The following SLC25A30 variants were observed in gnomAD, a reference collection of about 807,000 sequenced individuals.
The protein encoded by SLC25A30 is solute carrier family 25 member 30.
Under a neutral mutation model 42.7 loss-of-function variants are expected in SLC25A30, and 29 were observed. The observed-to-expected ratio is 0.68, with a 90% CI of 0.51 to 0.93. The LOEUF (loss-of-function observed/expected upper bound fraction) is 0.93, where lower values mean the gene tolerates loss of function less well. Among genes scored for constraint, SLC25A30 ranks in the 40% least tolerant of loss-of-function variants. SLC25A30 has a pLI of 0.00. For synonymous variants in SLC25A30, 124 were observed against 131.0 expected (o/e 0.95, Z 0.37); for missense variants, 300 against 359.7 (o/e 0.83, Z 1.34).
upstream of SLC25A30, among the ~76,000 whole-genome samples, chr13:45,421,040 G>A (rs1463491481): frequency 6.6e-6 from 1 of 151,628 alleles, no homozygotes; most frequent in Non-Finnish European, 1.5e-5. Flanking sequence ...TTTCTCTAGG[G>A]AATAGTAACT....
At position 45,394,461 on chromosome 13, in the gene SLC25A30, C is replaced by T. The variant is rs969133225; in HGVS notation, c.*1513G>A. The T allele has an allele frequency of 7.1e-6, 7 of 985,304 alleles. No individual in the cohort carries two copies. Among genetic ancestry groups the T allele is most frequent in the Non-Finnish European group, 8.4e-6 (7 of 829,962 alleles). The allele number at this position is 985,304 out of a possible 1,614,324, so 61.0% of individuals were successfully genotyped here. ...CCAGACTGGGAATTTGGCCGCACTA[C>T]TGTGGAAGGAGAATGCCCTGGAGCC... On this transcript the variant is annotated 3_prime_UTR_variant, in exon 10 of 10. Transcript: ENST00000519676.
intron 9 of SLC25A30, 147 bp from the exon 10 acceptor site, chr13:45,396,162 C>T: frequency 1.3e-6 from 2 of 1,536,618 alleles, no homozygotes; most frequent in East Asian, 2.4e-5. Flanking sequence ...GGGTTCCACC[C>T]TTAACCACAT....
intron 5 of SLC25A30, among the ~76,000 whole-genome samples, chr13:45,403,088 A>T (rs921270970): frequency 9.2e-5 from 14 of 152,250 alleles, no homozygotes; most frequent in Admixed American, 9.2e-4. Flanking sequence ...GGGAAAATAA[A>T]CCAAGATACA....
Position 45,411,254 on chromosome 13 carries a change from A to C in SLC25A30, c.64+108T>G, listed in dbSNP as rs546370371. The C allele has an allele frequency of 2.6e-3, 2,346 of 918,696 alleles. 4 individuals carry two copies. Among genetic ancestry groups the C allele is most frequent in the Non-Finnish European group, 3.4e-3 (1,916 of 558,844 alleles). 56.9% of individuals were successfully genotyped at this position (918,696 alleles called of 1,614,324 possible). A position where few individuals can be genotyped will look rare whatever the true frequency, so the allele number is the denominator to read the frequency against. On this transcript the variant is annotated intron_variant, in intron 2 of 9. Transcript: ENST00000519676. ...CACACCCAGCTAACAGACATTTTGA[A>C]TTCTGAGACAAACATTTCATCATCT...
chr13:45,423,793 A>AAAATATAT, the SLC25A30 span, among the ~76,000 whole-genome samples: 2 of 70,910 alleles, frequency 2.8e-5, no homozygotes, highest in Non-Finnish European at 4.9e-5. Flanking sequence ...TAAATATATA[A>AAAATATAT]ATATATATTT....
intron 1 of SLC25A30, among the ~76,000 whole-genome samples, chr13:45,412,855 C>A (rs982494359): frequency 1.1e-4 from 17 of 152,190 alleles, no homozygotes; most frequent in African/African-American, 4.1e-4. Context: ...CACCCCTTAA[C>A]AGGAGACTCA....
the SLC25A30 span, among the ~76,000 whole-genome samples, chr13:45,423,894 A>C: frequency 4.3e-5 from 4 of 92,482 alleles, no homozygotes; most frequent in Non-Finnish European, 7.4e-5. Flanking sequence ...TATATATATA[A>C]ATATATATAA....
intron 3 of SLC25A30, among the ~76,000 whole-genome samples, chr13:45,408,511 T>G (rs1465839731): frequency 2.6e-5 from 4 of 152,110 alleles, no homozygotes; most frequent in Non-Finnish European, 5.9e-5. Context: ...CACTATCCAG[T>G]GCCTACAGAA....
At chr13:45,400,014 T>TTATATATATATATATATATA (rs1322955547) in intron 7 of SLC25A30, among the ~76,000 whole-genome samples, 34 of 88,670 alleles carry the variant, frequency 3.8e-4, no homozygotes, top group Non-Finnish European at 5.3e-4. Context: ...TTATGTATGA[T>TTATATATATATATATATATA]TATATATATA....
the SLC25A30 span, among the ~76,000 whole-genome samples, chr13:45,425,884 G>C: frequency 1.4e-5 from 2 of 146,404 alleles, no homozygotes; most frequent in African/African-American, 2.5e-5. Context: ...GTGGAGACAG[G>C]GTTTCATCAT....
the SLC25A30 span, among the ~76,000 whole-genome samples, chr13:45,423,777 A>AAT: frequency 2.1e-5 from 1 of 48,056 alleles, no homozygotes; most frequent in African/African-American, 8.0e-5. Flanking sequence ...AAAATATATA[A>AAT]ATATATAAAT....
At chr13:45,397,106 A>G (rs955839966) in intron 9 of SLC25A30, 152 bp downstream of exon 9, 104 of 636,718 alleles carry the variant, frequency 1.6e-4, no homozygotes, top group Non-Finnish European at 2.3e-4. Context: ...TACACTTCCT[A>G]AAAAAGAAAC....
At chr13:45,402,182 G>A (rs962980622) in intron 6 of SLC25A30, 93 bp downstream of exon 6, 11 of 928,860 alleles carry the variant, frequency 1.2e-5, no homozygotes, top group Admixed American at 6.2e-5. Context: ...ACTCCATTAC[G>A]ACACTTGGAT....
chr13:45,426,136 G>C, the SLC25A30 span, among the ~76,000 whole-genome samples: 1 of 150,778 alleles, frequency 6.6e-6, no homozygotes, highest in African/African-American at 2.4e-5. Flanking sequence ...CACCAGTCTG[G>C]AGTGCAGTGG....
rs145462442 is a variant in SLC25A30 at position 45,414,635 on chromosome 13, T to TACACACACACACACACAC, written c.-55-3173_-55-3156dup. 2.0e-4 allele frequency among the ~76,000 whole-genome samples: 28 copies of TACACACACACACACACAC among 140,002 alleles called. No individual in the cohort carries two copies. The South Asian group carries it at 2.8e-3, about 14-fold the overall frequency. The allele number at this position is 140,002 out of a possible 152,430, so 91.8% of individuals were successfully genotyped here. A position where few individuals can be genotyped will look rare whatever the true frequency, so the allele number is the denominator to read the frequency against. ...TTTGTCTCAAACACACACACACACA[T>TACACACACACACACACAC]ACACACACACACACACACACACACA... is the stretch of plus-strand genomic sequence containing the variant. On this transcript the variant is annotated intron_variant, in intron 1 of 9. Coordinates refer to ENST00000519676, the MANE Select transcript of SLC25A30 (RefSeq NM_001010875.4).
chr13:45,397,117 T>C lies in SLC25A30; in HGVS notation c.834+141A>G, dbSNP rs1593595689. ...ACTTTACACTTCCTAAAAAAGAAAC[T>C]AAGTAGTGACTTCTTAGCATCAGAG... On this transcript the variant is annotated intron_variant, in intron 9 of 9. Coordinates refer to ENST00000519676, the MANE Select transcript of SLC25A30 (RefSeq NM_001010875.4). 20 of 656,204 alleles carry C rather than the reference T, an allele frequency of 3.0e-5. 1 individual carries two copies. The East Asian group carries it at 5.6e-4, about 18-fold the overall frequency. The allele number at this position is 656,204 out of a possible 1,614,324, so 40.6% of individuals were successfully genotyped here. A position where few individuals can be genotyped will look rare whatever the true frequency, so the allele number is the denominator to read the frequency against.
At chr13:45,396,069 G>T in intron 9 of SLC25A30, 54 bp from the exon 10 acceptor site, 1 of 1,614,094 alleles carries the variant, frequency 6.2e-7, no homozygotes, top group Non-Finnish European at 8.5e-7. Flanking sequence ...CAACTCCAGT[G>T]CATAACAACA....
At chr13:45,428,527 T>TC in the SLC25A30 span, among the ~76,000 whole-genome samples, 2 of 97,576 alleles carry the variant, frequency 2.0e-5, no homozygotes, top group African/African-American at 7.6e-5. Context: ...CTTTTTTTTT[T>TC]TTTTTTTTTT....
rs1363912577 is a variant in SLC25A30, at chr13:45,402,383, T to C, written c.394-13A>G. ...CTTGCATCCGAATCTAGAGATTATT[T>C]TAAAGACCAACATCAGAAAGAAACT... On this transcript the variant is annotated splice_polypyrimidine_tract_variant and intron_variant, in intron 5 of 9. Transcript: ENST00000519676. 1.9e-6 allele frequency: 3 copies of C among 1,607,394 alleles called. No individual in the cohort carries two copies. Among genetic ancestry groups the C allele is most frequent in the Non-Finnish European group, 8.5e-7 (1 of 1,174,130 alleles).
Sources: allele counts gnomAD v4.1 joint callset (sites outside exome capture counted in the v4.1 genomes callset), GRCh38; gene constraint gnomAD v4.1.1; transcripts MANE v1.5; gene names NCBI Gene and HGNC (gene_info 2026-07-23, HGNC 2026-07-21).